Variants in PARD3B observed in about 807,000 individuals in gnomAD.
PARD3B encodes the protein par-3 family cell polarity regulator beta.
In PARD3B, 103 loss-of-function variants were observed where a neutral mutation model predicts 130.2. The observed-to-expected ratio is 0.79, with a 90% CI of 0.67 to 0.93. The LOEUF is 0.93. Among genes scored for constraint, PARD3B ranks in the 40% least tolerant of loss-of-function variants. The probability of loss-of-function intolerance (pLI) is 0.00; values close to 1 mark genes in which losing one functional copy is unlikely to be tolerated. For missense variants in PARD3B, 1,609 were observed against 1,499.2 expected (o/e 1.07, Z -1.21); for synonymous variants, 583 against 553.2 (o/e 1.05, Z -0.76).
intron 11 of PARD3B, among the ~76,000 whole-genome samples, chr2:205,167,757 TGAG>T (rs1350816491): frequency 6.6e-6 from 1 of 152,210 alleles, no homozygotes; most frequent in Non-Finnish European, 1.5e-5. Flanking sequence ...ACCTGAGAGA[TGAG>T]GAGACCTGGC....
chr2:205,376,780 T>C (rs1456026736), intron 18 of PARD3B, among the ~76,000 whole-genome samples: 2 of 152,180 alleles, frequency 1.3e-5, no homozygotes, highest in Non-Finnish European at 2.9e-5. Flanking sequence ...GGAGGTTGTA[T>C]GTAGGTGGCT....
chr2:204,837,777 C>G (rs2044101641), intron 2 of PARD3B, among the ~76,000 whole-genome samples: 1 of 152,188 alleles, frequency 6.6e-6, no homozygotes, highest in African/African-American at 2.4e-5. Context: ...TTCCGCCTCT[C>G]TGTAATTTCC....
intron 3 of PARD3B, among the ~76,000 whole-genome samples, chr2:205,012,756 C>A (rs1054043082): frequency 3.9e-5 from 6 of 152,164 alleles, no homozygotes; most frequent in Non-Finnish European, 7.3e-5. Flanking sequence ...TTTAAACCTG[C>A]CTGTTTCTTA....
intron 18 of PARD3B, among the ~76,000 whole-genome samples, chr2:205,375,457 T>C (rs920922347): frequency 1.3e-5 from 2 of 152,038 alleles, no homozygotes; most frequent in Non-Finnish European, 2.9e-5. Context: ...TCAGAGGCAA[T>C]AGGGAGCCGA....
At chr2:205,497,807 G>A (rs897221586) in intron 20 of PARD3B, among the ~76,000 whole-genome samples, 17 of 152,202 alleles carry the variant, frequency 1.1e-4, no homozygotes, top group Admixed American at 1.0e-3. Context: ...TGATTGATAA[G>A]ATGTTATCAA....
intron 20 of PARD3B, among the ~76,000 whole-genome samples, chr2:205,494,721 A>C (rs1406995510): frequency 6.6e-6 from 1 of 152,214 alleles, no homozygotes; most frequent in Non-Finnish European, 1.5e-5. Flanking sequence ...AACCGCAGCC[A>C]CAGAATGCCT....
intron 21 of PARD3B, among the ~76,000 whole-genome samples, chr2:205,529,105 T>G (rs191071759): frequency 7.6e-4 from 115 of 152,312 alleles, no homozygotes; most frequent in African/African-American, 2.7e-3. Flanking sequence ...AAGAAAGTGT[T>G]TCCATAGTAA....
chr2:205,584,282 G>C lies in PARD3B; in HGVS notation c.3260+30879G>C, dbSNP rs1225047210. On this transcript the variant is annotated intron_variant, in intron 22 of 22. Transcript: ENST00000406610. The surrounding 1 kb of genome is among the most constrained non-coding windows in gnomAD (Gnocchi z 5.5). The stretch of plus-strand genomic sequence containing the variant: ...ATTAAATATAAATTATTTTTATATG[G>C]ATTACTTGTTGACATTATCATACTT... Among the ~76,000 whole-genome samples the C allele has an allele frequency of 6.6e-6, 1 of 152,180 alleles. No individual in the cohort carries two copies. The highest frequency in any genetic ancestry group is 2.4e-5 in the African/African-American group (1 of 41,448).
intron 1 of PARD3B, among the ~76,000 whole-genome samples, chr2:204,614,329 T>C (rs1156844549): frequency 1.3e-5 from 2 of 152,182 alleles, no homozygotes; most frequent in African/African-American, 2.4e-5. Flanking sequence ...TTATACTGTC[T>C]TTAAAATCCA....
chr2:205,580,526 C>T (rs989178195), intron 22 of PARD3B, among the ~76,000 whole-genome samples: 1 of 152,174 alleles, frequency 6.6e-6, no homozygotes, highest in Non-Finnish European at 1.5e-5. Flanking sequence ...CACACATCAA[C>T]AACTTGCTGT....
intron 6 of PARD3B, among the ~76,000 whole-genome samples, chr2:205,115,552 G>T (rs1703962838): frequency 6.6e-6 from 1 of 152,102 alleles, no homozygotes; most frequent in African/African-American, 2.4e-5. Flanking sequence ...CAGTAACTTG[G>T]TGAAATAGTT....
intron 2 of PARD3B, among the ~76,000 whole-genome samples, chr2:204,795,677 C>A (rs867918853): frequency 6.6e-6 from 1 of 152,146 alleles, no homozygotes; most frequent in Non-Finnish European, 1.5e-5. Flanking sequence ...ATTAACTGAG[C>A]CTGCCAAGCA....
At position 205,233,084 on chromosome 2, in the gene PARD3B, A is replaced by G. The variant is rs144185094; in HGVS notation, c.2141-12694A>G. 8.3e-4 allele frequency among the ~76,000 whole-genome samples: 127 copies of G among 152,320 alleles called. 1 individual carries two copies. The East Asian group carries it at 0.023, about 28-fold the overall frequency. ...AAATGAGGAAACCACACCAAGGCAC[A>G]TTATAAACAATTTGCTGAAATCATG... is the stretch of plus-strand genomic sequence containing the variant. On this transcript the variant is annotated intron_variant, in intron 15 of 22. Transcript: ENST00000406610.
intron 15 of PARD3B, among the ~76,000 whole-genome samples, chr2:205,211,378 A>G (rs774593762): frequency 1.3e-5 from 2 of 152,028 alleles, no homozygotes; most frequent in African/African-American, 4.8e-5. Flanking sequence ...TCCTTCATTC[A>G]TCATTTATTG....
At chr2:205,561,405 G>T (rs1224414584) in intron 22 of PARD3B, among the ~76,000 whole-genome samples, 1 of 152,100 alleles carries the variant, frequency 6.6e-6, no homozygotes, top group Non-Finnish European at 1.5e-5. Flanking sequence ...TAGGTAAACA[G>T]GTGTGTGAGT....
chr2:205,575,115 G>A lies in PARD3B; in HGVS notation c.3260+21712G>A, dbSNP rs201556017. ...CACACACACACACACACACACACAC[G>A]CGTACACTATATATAAAAATATATT... On this transcript the variant is annotated intron_variant, in intron 22 of 22. Transcript: ENST00000406610. This position sits in a 1 kb window ranked among gnomAD's most constrained non-coding sequence, Gnocchi z 4.6. 0.032 allele frequency among the ~76,000 whole-genome samples: 2,280 copies of A among 71,744 alleles called. 70 individuals are homozygous for A. Among genetic ancestry groups the A allele is most frequent in the African/African-American group, 0.087 (2,147 of 24,796 alleles). 47.1% of individuals were successfully genotyped at this position (71,744 alleles called of 152,430 possible). A position where few individuals can be genotyped will look rare whatever the true frequency, so the allele number is the denominator to read the frequency against.
rs958350997 is a variant in PARD3B at position 205,572,629 on chromosome 2, C to G, written c.3260+19226C>G. On this transcript the variant is annotated intron_variant, in intron 22 of 22. Transcript: ENST00000406610. The surrounding 1 kb of genome is among the most constrained non-coding windows in gnomAD (Gnocchi z 4.2). ...GCATAGTGGTGGGCACCTGTAGTCC[C>G]AGTTACTCGGGAGGCTGAGGGAGGA... is the stretch of plus-strand genomic sequence containing the variant. 8.5e-5 allele frequency among the ~76,000 whole-genome samples: 13 copies of G among 152,240 alleles called. No homozygotes were observed. The highest frequency in any genetic ancestry group is 2.4e-4 in the African/African-American group (10 of 41,556).
In PARD3B at chr2:205,512,627, T is replaced by C. The variant is rs897450926; in HGVS notation, c.3180+12596T>C. 2.0e-5 allele frequency among the ~76,000 whole-genome samples: 3 copies of C among 152,168 alleles called. No individual in the cohort carries two copies. In the South Asian group the frequency reaches 6.2e-4, roughly 32 times the overall value. On this transcript the variant is annotated intron_variant, in intron 21 of 22. Coordinates refer to ENST00000406610, the MANE Select transcript of PARD3B (RefSeq NM_001302769.2). ...AGCAATTTATGAATGCCTAGGAAAA[T>C]GTACATCGAGCCTGACAGTTGTATC...
chr2:204,791,410 T>C lies in PARD3B; in HGVS notation c.222+105128T>C, dbSNP rs115157862. Among the ~76,000 whole-genome samples, 325 of 152,354 alleles carry C rather than the reference T, an allele frequency of 2.1e-3. 1 individual carries two copies. Among genetic ancestry groups the C allele is most frequent in the African/African-American group, 7.4e-3 (306 of 41,584 alleles). The stretch of plus-strand genomic sequence containing the variant: ...TAGTTATAAAATGAGTTGCTATTCA[T>C]GATAATAATCCTGGTGCAGTAGTAA... On this transcript the variant is annotated intron_variant, in intron 2 of 22. Transcript: ENST00000406610.
Sources: allele counts gnomAD v4.1 joint callset (sites outside exome capture counted in the v4.1 genomes callset), GRCh38; gene constraint gnomAD v4.1.1; non-coding constraint Gnocchi (gnomAD v3.1); transcripts MANE v1.5; gene names NCBI Gene and HGNC (gene_info 2026-07-23, HGNC 2026-07-21).